Variants in LDHD observed in about 807,000 individuals in gnomAD.
The protein encoded by LDHD is lactate dehydrogenase D.
In LDHD, 58 loss-of-function variants were observed where a neutral mutation model predicts 52.9. That is an observed-to-expected ratio of 1.10 (90% CI 0.89 to 1.36). The LOEUF (loss-of-function observed/expected upper bound fraction) is 1.36, where lower values mean the gene tolerates loss of function less well. LDHD is among the 40% of genes most tolerant of loss of function. The pLI, the probability that LDHD is intolerant of heterozygous loss-of-function variation, is 0.00. For synonymous variants in LDHD, 350 were observed against 288.6 expected (o/e 1.21, Z -2.16); for missense variants, 747 against 668.0 (o/e 1.12, Z -1.30).
In LDHD at chr16:75,114,817, C is replaced by G. The variant is rs577444005; in HGVS notation, c.469+10G>C. The G allele has an allele frequency of 5.0e-5, 80 of 1,609,648 alleles. No individual in the cohort carries two copies. In the South Asian group the frequency reaches 7.6e-4, roughly 15 times the overall value. On this transcript the variant is annotated intron_variant, in intron 4 of 10. Transcript: ENST00000450168. ...CCCTCAGGGTCCCAGGAAAGGTTCG[C>G]GAGTCCTACCCACGGGAAACCAGAG... is the stretch of plus-strand genomic sequence containing the variant.
In LDHD at chr16:75,112,428, G is replaced by A. The variant is rs752729893; in HGVS notation, c.1383C>T (p.Gly461=). Reference sequence around the variant, plus strand: ...CCTTGAGCTGCCGCATGGTCTCCACGCCCACGGCGCCCACCTCCTCCTGCA... The same window carrying A: ...CCTTGAGCTGCCGCATGGTCTCCACACCCACGGCGCCCACCTCCTCCTGCA... ...QLLQEEVGAV[G]VETMRQLKAV... Residue 461 remains glycine, a synonymous_variant, in exon 11 of 11, where the codon GGC becomes GGT. Transcript: ENST00000450168. 9.3e-6 allele frequency: 15 copies of A among 1,613,300 alleles called. No homozygotes were observed. Among genetic ancestry groups the A allele is most frequent in the African/African-American group, 4.0e-5 (3 of 74,936 alleles).
chr16:75,114,876 G>C lies in LDHD; in HGVS notation c.420C>G (p.Arg140=). ...CCCGCAGGTGGGCGTTGAGGGCTTT[G>C]CGGGTGACACCTGGCTCCACCACCA... The part of the protein sequence containing the change: ...FSVVVEPGVT[R]KALNAHLRDS... The change falls in exon 4 of 11, where the codon CGC becomes CGG. Residue 140 remains arginine, a synonymous_variant. Coordinates refer to ENST00000450168, the MANE Select transcript of LDHD (RefSeq NM_194436.3). The C allele has an allele frequency of 6.2e-7, 1 of 1,614,030 alleles. No individual in the cohort carries two copies. Among genetic ancestry groups the C allele is most frequent in the Non-Finnish European group, 8.5e-7 (1 of 1,179,998 alleles).
chr16:75,113,461 A>T, intron 8 of LDHD, 74 bp downstream of exon 8: 3 of 1,505,930 alleles, frequency 2.0e-6, no homozygotes, highest in Non-Finnish European at 2.7e-6. Context: ...TGCTCTGTGC[A>T]GTAGAGTGGT....
chr16:75,114,265 G>A (rs2036484587), intron 5 of LDHD, 100 bp from the exon 6 acceptor site: 11 of 1,571,544 alleles, frequency 7.0e-6, no homozygotes, highest in East Asian at 2.2e-5. Flanking sequence ...CCCAGGCACT[G>A]AGGTCTGGGC....
rs2036522916 is a variant in LDHD, at chr16:75,115,269, A to G, written c.256T>C (p.Tyr86His). ...EQVSRLAALC[Y>H]RQGVPIIPFG... is the part of the protein sequence containing the mutation. ...GGGATGATGGGCACACCTTGGCGAT[A>G]GCACAGGGCTGCCAGCCGGCTGACC... is the stretch of plus-strand genomic sequence containing the variant. The change falls in exon 3 of 11, where the codon TAT (tyrosine) becomes CAT (histidine). Residue 86 changes from tyrosine (Y) to histidine (H), a missense_variant. Physicochemically the swap from Tyr to His is moderately conservative, Grantham distance 83. Coordinates refer to ENST00000450168, the MANE Select transcript of LDHD (RefSeq NM_194436.3). 6.2e-7 allele frequency: 1 copy of G among 1,613,396 alleles called. No individual in the cohort carries two copies. The highest frequency in any genetic ancestry group is 1.1e-5 in the South Asian group (1 of 91,090).
intron 8 of LDHD, among the ~76,000 whole-genome samples, 194 bp from the exon 9 acceptor site, chr16:75,113,118 G>A (rs1026744264): frequency 6.6e-6 from 1 of 151,912 alleles, no homozygotes; most frequent in Non-Finnish European, 1.5e-5. Flanking sequence ...GCCCAGGTGT[G>A]CTTGCCACAC....
Position 75,112,925 on chromosome 16 carries a change from C to T in LDHD, c.1087-1G>A. The T allele has an allele frequency of 6.2e-7, 1 of 1,609,632 alleles. No individual in the cohort carries two copies. Among genetic ancestry groups the T allele is most frequent in the South Asian group, 1.1e-5 (1 of 90,834 alleles). ...GCACACACACATCCGTGGAGTAGCCCTGGTCAGAGGGAAGCCTATGAGTTA... is the reference window on the plus strand; with the variant it reads ...GCACACACACATCCGTGGAGTAGCCTTGGTCAGAGGGAAGCCTATGAGTTA... On this transcript the variant is annotated splice_acceptor_variant, in intron 8 of 10. Coordinates refer to ENST00000450168, the MANE Select transcript of LDHD (RefSeq NM_194436.3). LOFTEE classifies it high-confidence loss of function.
chr16:75,115,092 G>A (rs1386655081), intron 3 of LDHD, 106 bp downstream of exon 3: 10 of 1,539,182 alleles, frequency 6.5e-6, no homozygotes, highest in Non-Finnish European at 7.9e-6. Context: ...GGCAGCCCAC[G>A]GGCGGGAGCA....
chr16:75,116,490 C>G, intron 1 of LDHD, 159 bp downstream of exon 1: 1 of 601,726 alleles, frequency 1.7e-6, no homozygotes, highest in South Asian at 2.0e-5. Context: ...CACTCTACAC[C>G]CACCCACAGT....
Position 75,113,871 on chromosome 16 carries a change from CTG to C in LDHD, c.830-3_830-2del. ...TCCATCATGACTTCATCCAGGAACT[CTG>C]GATCCAGGGAGATGGCAGGCCAGGT... On this transcript the variant is annotated splice_acceptor_variant and splice_polypyrimidine_tract_variant and intron_variant, in intron 6 of 10. Transcript: ENST00000450168. LOFTEE classifies it high-confidence loss of function. 6.2e-7 allele frequency: 1 copy of C among 1,613,920 alleles called. No individual in the cohort carries two copies. The highest frequency in any genetic ancestry group is 8.5e-7 in the Non-Finnish European group (1 of 1,180,008).
intron 1 of LDHD, among the ~76,000 whole-genome samples, chr16:75,116,435 C>T (rs2036558436): frequency 6.6e-6 from 1 of 152,220 alleles, no homozygotes; most frequent in Non-Finnish European, 1.5e-5. Context: ...ATCCATTTGA[C>T]TCCCCCAGCC....
chr16:75,114,771 C>T, intron 4 of LDHD, 56 bp downstream of exon 4: 1 of 1,585,556 alleles, frequency 6.3e-7, no homozygotes, highest in South Asian at 1.2e-5. Context: ...GAACCCCAGA[C>T]ACAGCCCTGC....
intron 1 of LDHD, 108 bp downstream of exon 1, chr16:75,116,541 G>T (rs1183936148): frequency 7.7e-6 from 7 of 914,502 alleles, no homozygotes; most frequent in Admixed American, 2.2e-5. Flanking sequence ...CCAAGGTCAG[G>T]TCACTTGGTG....
intron 2 of LDHD, 30 bp downstream of exon 2, chr16:75,115,518 C>T (rs1234540359): frequency 9.4e-6 from 15 of 1,599,798 alleles, no homozygotes; most frequent in South Asian, 2.2e-5. Context: ...ATCCAGAAGA[C>T]AGGGGAGGGG....
chr16:75,113,998 A>AT lies in LDHD; in HGVS notation c.796dup (p.Ile266AsnfsTer12). The AT allele has an allele frequency of 6.2e-7, 1 of 1,603,140 alleles. No homozygotes were observed. The highest frequency in any genetic ancestry group is 8.5e-7 in the Non-Finnish European group (1 of 1,175,172). On this transcript the variant is annotated frameshift_variant, in exon 6 of 11. Transcript: ENST00000450168. LOFTEE classifies it high-confidence loss of function. ...GGCTACGGGCACTGCAGCCTGGAGG[A>AT]TGTGTACAGTGCTGTCCACAGCAGC...
rs987698683 is a variant in LDHD at position 75,115,655 on chromosome 16, C to T, written c.78G>A (p.Glu26=). The change falls in exon 2 of 11, where the codon GAG becomes GAA. Residue 26 remains glutamate (E), a synonymous_variant. Transcript: ENST00000450168. ...RGYCSQKAKG[E]LCRDFVEALK... ...GAGCCTCTACGAAGTCCCTGCAGAG[C>T]TCTCCCTGCAGGGAAGAAACACACT... 3 of 1,594,960 alleles carry T rather than the reference C, an allele frequency of 1.9e-6. No homozygotes were observed. Among genetic ancestry groups the T allele is most frequent in the Non-Finnish European group, 2.6e-6 (3 of 1,166,698 alleles).
At chr16:75,116,299 C>T (rs973666788) in intron 1 of LDHD, among the ~76,000 whole-genome samples, 2 of 151,002 alleles carry the variant, frequency 1.3e-5, no homozygotes, top group African/African-American at 4.8e-5. Context: ...CGCGGCGGGG[C>T]GGGGGATGTG....
chr16:75,114,087 G>T lies in LDHD; in HGVS notation c.708C>A (p.Thr236=). The stretch of plus-strand genomic sequence containing the variant: ...CCTCAGGGGCAGGGTGCAGGCGCAG[G>T]GTGGTGGCTGTGATGAGGCCCAGCG... ...EGTLGLITAT[T]LRLHPAPEAT... is the part of the protein sequence containing the mutation. Residue 236 remains threonine (T), a synonymous_variant, in exon 6 of 11, where the codon ACC becomes ACA. Transcript: ENST00000450168. 6.2e-7 allele frequency: 1 copy of T among 1,611,862 alleles called. No individual in the cohort carries two copies.
chr16:75,115,038 C>G, intron 3 of LDHD, 70 bp from the exon 4 acceptor site: 1 of 1,554,486 alleles, frequency 6.4e-7, no homozygotes, highest in South Asian at 1.2e-5. Flanking sequence ...CGGACCACAC[C>G]CCGCGGGTGT....
Sources: allele counts gnomAD v4.1 joint callset (sites outside exome capture counted in the v4.1 genomes callset), GRCh38; gene constraint gnomAD v4.1.1; transcripts MANE v1.5; gene names NCBI Gene and HGNC (gene_info 2026-07-23, HGNC 2026-07-21).